The following YEATS4 variants were observed in gnomAD, a reference collection of about 807,000 sequenced individuals.
YEATS4 encodes YEATS domain-containing protein 4.
In YEATS4, 17 loss-of-function variants were observed where a neutral mutation model predicts 30.1. The ratio of observed to expected loss-of-function variants is 0.56; its 90% CI spans 0.39 to 0.85. The LOEUF is 0.85. Ranked by LOEUF, YEATS4 falls within the 40% of genes least tolerant of loss-of-function variation. The pLI is 0.00. For missense variants in YEATS4, 142 were observed against 268.3 expected (o/e 0.53, Z 3.29); for synonymous variants, 85 against 87.5 (o/e 0.97, Z 0.16).
At position 69,368,299 on chromosome 12, in the gene YEATS4, T is replaced by TCAAGCCACA. The variant is rs2120938119; in HGVS notation, c.334-2407_334-2406insCAAGCCACA. Among the ~76,000 whole-genome samples the TCAAGCCACA allele has an allele frequency of 2.6e-5, 4 of 152,322 alleles. No individual in the cohort carries two copies. In the East Asian group the frequency reaches 5.8e-4, roughly 22 times the overall value. ...CAAGCCACTATAAAAAGAATGGTTG[T>TCAAGCCACA]TTCTAAAAGCAAAATGTCAAATTGA... On this transcript the variant is annotated intron_variant, in intron 4 of 6. Transcript: ENST00000247843.
rs1198849494 is a variant in YEATS4, at chr12:69,362,981, A to AATTTT, written c.171+74_171+75insATTTT. The AATTTT allele has an allele frequency of 6.1e-4, 190 of 313,158 alleles. 55 individuals carry two copies. Among genetic ancestry groups the AATTTT allele is most frequent in the Admixed American group, 1.3e-3 (11 of 8,684 alleles). The allele number at this position is 313,158 out of a possible 1,614,324, so 19.4% of individuals were successfully genotyped here. ...TTTGTTTTGCTTAAAGACAACCTGT[A>AATTTT]GTTTTTTTTTTTTTTTTTTTTTTTT... On this transcript the variant is annotated intron_variant, in intron 2 of 6. Transcript: ENST00000247843.
the YEATS4 span, chr12:69,423,051 A>T: frequency 6.6e-6 from 1 of 152,150 alleles, no homozygotes; most frequent in East Asian, 1.9e-4. Context: ...TGAAATAGCA[A>T]TTATACTTTG....
intron 4 of YEATS4, among the ~76,000 whole-genome samples, chr12:69,367,409 C>T (rs1394666605): frequency 1.3e-5 from 2 of 152,034 alleles, no homozygotes; most frequent in Admixed American, 6.6e-5. Context: ...ACTCTGCTGC[C>T]CAGGCTGGAG....
the YEATS4 span, among the ~76,000 whole-genome samples, chr12:69,423,714 A>C: frequency 6.6e-6 from 1 of 152,236 alleles, no homozygotes; most frequent in South Asian, 2.1e-4. Flanking sequence ...CAGTGACATC[A>C]TCAGTTTGTT....
At chr12:69,366,169 G>A (rs1006140655) in intron 4 of YEATS4, among the ~76,000 whole-genome samples, 5 of 151,714 alleles carry the variant, frequency 3.3e-5, no homozygotes, top group East Asian at 3.9e-4. Flanking sequence ...ATTATCATTC[G>A]GTTATTAGTA....
intron 6 of YEATS4, among the ~76,000 whole-genome samples, chr12:69,375,024 C>T (rs865940232): frequency 2.0e-4 from 29 of 143,414 alleles, no homozygotes; most frequent in Admixed American, 9.7e-4. Context: ...ACCTCCCGGA[C>T]GGGGCAGCTG....
At chr12:69,394,949 AC>A, downstream of YEATS4, among the ~76,000 whole-genome samples, 1 of 152,108 alleles carries the variant, frequency 6.6e-6, no homozygotes. Flanking sequence ...TTATTTGCTA[AC>A]TCTACTTTTT....
chr12:69,364,987 A>G (rs1393071234), intron 2 of YEATS4, among the ~76,000 whole-genome samples: 1 of 152,120 alleles, frequency 6.6e-6, no homozygotes, highest in African/African-American at 2.4e-5. Context: ...ATAGTACCAG[A>G]TATGTACTGT....
chr12:69,410,086 A>G, the YEATS4 span, among the ~76,000 whole-genome samples: 2 of 152,224 alleles, frequency 1.3e-5, no homozygotes, highest in African/African-American at 4.8e-5. Context: ...AAACTATATT[A>G]TGGCAGCCCT....
chr12:69,389,175 C>G (rs1217863380), intron 6 of YEATS4, among the ~76,000 whole-genome samples: 1 of 152,024 alleles, frequency 6.6e-6, no homozygotes, highest in Non-Finnish European at 1.5e-5. Context: ...CTGGGCCGGG[C>G]CTGGTGGCTT....
the YEATS4 span, among the ~76,000 whole-genome samples, chr12:69,411,835 G>A: frequency 6.6e-6 from 1 of 152,358 alleles, no homozygotes; most frequent in Admixed American, 6.5e-5. Flanking sequence ...GAGTACCCCA[G>A]GGGCCAATGT....
intron 6 of YEATS4, among the ~76,000 whole-genome samples, chr12:69,387,457 A>G (rs1310948769): frequency 1.3e-5 from 2 of 152,216 alleles, no homozygotes; most frequent in Non-Finnish European, 2.9e-5. Context: ...TTATCCTACA[A>G]ATATACTAAA....
intron 6 of YEATS4, among the ~76,000 whole-genome samples, chr12:69,379,391 A>G (rs968540984): frequency 1.3e-4 from 20 of 151,736 alleles, no homozygotes; most frequent in African/African-American, 3.6e-4. Context: ...ATTAAGGTCA[A>G]TAACTCTTAG....
intron 2 of YEATS4, 146 bp from the exon 3 acceptor site, chr12:69,365,487 T>G (rs1592848518): frequency 2.3e-5 from 13 of 554,334 alleles, no homozygotes; most frequent in South Asian, 2.7e-5. Context: ...ACTTCCCAGG[T>G]GTAGTTCATG....
chr12:69,421,580 G>T, the YEATS4 span, among the ~76,000 whole-genome samples: 1 of 152,176 alleles, frequency 6.6e-6, no homozygotes, highest in Non-Finnish European at 1.5e-5. Context: ...GAGAGTTCAA[G>T]GACAATGGAG....
chr12:69,376,129 G>A (rs2084787763), intron 6 of YEATS4, among the ~76,000 whole-genome samples: 1 of 152,220 alleles, frequency 6.6e-6, no homozygotes, highest in Non-Finnish European at 1.5e-5. Flanking sequence ...CACTTTGGGA[G>A]GCCAAGGCAG....
At chr12:69,374,954 G>A (rs1332118544) in intron 6 of YEATS4, among the ~76,000 whole-genome samples, 9 of 151,460 alleles carry the variant, frequency 5.9e-5, no homozygotes, top group Non-Finnish European at 1.0e-4. Context: ...AGACAGGGTG[G>A]CCGGGCAGGG....
At chr12:69,423,437 A>G in the YEATS4 span, among the ~76,000 whole-genome samples, 1 of 152,310 alleles carries the variant, frequency 6.6e-6, no homozygotes, top group African/African-American at 2.4e-5. Flanking sequence ...AGGAGGAGGC[A>G]TTTAAGTTTA....
intron 4 of YEATS4, among the ~76,000 whole-genome samples, chr12:69,370,270 T>C (rs971017028): frequency 5.9e-5 from 9 of 152,198 alleles, no homozygotes; most frequent in African/African-American, 2.2e-4. Flanking sequence ...TGTAATAATC[T>C]TATAGATCCC....
Sources: allele counts gnomAD v4.1 joint callset (sites outside exome capture counted in the v4.1 genomes callset), GRCh38; gene constraint gnomAD v4.1.1; transcripts MANE v1.5; gene names NCBI Gene and HGNC (gene_info 2026-07-23, HGNC 2026-07-21).